Variants in ZNF608 observed in about 807,000 individuals in gnomAD.
ZNF608 encodes the protein renal carcinoma antigen NY-REN-36.
ZNF608 carries 12 observed loss-of-function variants against 109.0 expected under a neutral mutation model. That is an observed-to-expected ratio of 0.11 (90% CI 0.07 to 0.18). The LOEUF is 0.18. Among genes scored for constraint, ZNF608 ranks in the 10% least tolerant of loss-of-function variants. The pLI is 1.00. For missense variants in ZNF608, 1,707 were observed against 1,879.3 expected, an observed-to-expected ratio of 0.91 and a Z score of 1.70; for synonymous variants, 732 against 717.4, an observed-to-expected ratio of 1.02 and a Z score of -0.33.
intron 2 of ZNF608, among the ~76,000 whole-genome samples, chr5:124,714,539 T>A (rs2149871098): frequency 6.6e-6 from 1 of 152,334 alleles, no homozygotes; most frequent in Non-Finnish European, 1.5e-5. Context: ...ATCATTTACT[T>A]ACTAGTATAA....
At chr5:124,746,137 G>GA (rs1319724963) in intron 1 of ZNF608, 58 bp downstream of exon 1, 4 of 984,904 alleles carry the variant, frequency 4.1e-6, no homozygotes, top group Admixed American at 1.2e-4. Context: ...TGATTGTCAA[G>GA]AAAAAAATAA....
Position 124,637,926 on chromosome 5 carries a change from C to CTTA in ZNF608, c.4533-23_4533-21dup. On this transcript the variant is annotated intron_variant, in intron 9 of 9. Coordinates refer to ENST00000513986, the MANE Select transcript of ZNF608 (RefSeq NM_020747.3). ...TATTCTCTGCAAAAGAAAAGCAAAC[C>CTTA]TTAGCACACGGTTCTATCAACATTT... 6.2e-7 allele frequency: 1 copy of CTTA among 1,611,380 alleles called. No homozygotes were observed. Among genetic ancestry groups the CTTA allele is most frequent in the East Asian group, 2.2e-5 (1 of 44,666 alleles).
chr5:124,673,273 C>T (rs568056580), intron 3 of ZNF608, among the ~76,000 whole-genome samples: 1 of 152,164 alleles, frequency 6.6e-6, no homozygotes, highest in Non-Finnish European at 1.5e-5. Flanking sequence ...GATTGGAAAT[C>T]TCTTACAAAT....
chr5:124,712,088 A>T (rs183780248), intron 2 of ZNF608, among the ~76,000 whole-genome samples: 1 of 152,262 alleles, frequency 6.6e-6, no homozygotes, highest in African/African-American at 2.4e-5. Context: ...CAGAGGTTGC[A>T]GTGAGCTGAG....
At chr5:124,645,169 C>A (rs889246378) in intron 5 of ZNF608, among the ~76,000 whole-genome samples, 9 of 152,168 alleles carry the variant, frequency 5.9e-5, no homozygotes, top group African/African-American at 2.2e-4. Flanking sequence ...TCTTGGTTTC[C>A]TAATACATTT....
intron 2 of ZNF608, among the ~76,000 whole-genome samples, chr5:124,733,215 CTCTT>C (rs1376475117): frequency 3.5e-5 from 5 of 143,956 alleles, no homozygotes; most frequent in African/African-American, 1.3e-4. Flanking sequence ...CTATCTCTCT[CTCTT>C]TTTTTTTTTT....
At chr5:124,660,859 C>T (rs981656537) in intron 3 of ZNF608, among the ~76,000 whole-genome samples, 14 of 152,188 alleles carry the variant, frequency 9.2e-5, no homozygotes, top group Non-Finnish European at 1.8e-4. Context: ...TGCCAAAATG[C>T]TATGAATTCC....
At chr5:124,661,430 T>C (rs1751252059) in intron 3 of ZNF608, among the ~76,000 whole-genome samples, 1 of 151,262 alleles carries the variant, frequency 6.6e-6, no homozygotes, top group African/African-American at 2.4e-5. Flanking sequence ...ACTCAGAGGC[T>C]GCCTTCCCAC....
intron 3 of ZNF608, among the ~76,000 whole-genome samples, chr5:124,685,012 T>C (rs1294891803): frequency 6.6e-6 from 1 of 152,236 alleles, no homozygotes; most frequent in Non-Finnish European, 1.5e-5. Context: ...TATACAATCA[T>C]GCCCTTTCAG....
At chr5:124,702,065 T>G (rs1753075123) in intron 2 of ZNF608, among the ~76,000 whole-genome samples, 1 of 152,192 alleles carries the variant, frequency 6.6e-6, no homozygotes, top group African/African-American at 2.4e-5. Flanking sequence ...TGCAATGGCA[T>G]CCCCTTTGCA....
At chr5:124,711,410 A>C (rs1057232031) in intron 2 of ZNF608, among the ~76,000 whole-genome samples, 7 of 152,248 alleles carry the variant, frequency 4.6e-5, no homozygotes, top group Non-Finnish European at 7.3e-5. Context: ...TTTTAATGAA[A>C]AGATGCTAAG....
chr5:124,713,808 A>C (rs1423740053), intron 2 of ZNF608, among the ~76,000 whole-genome samples: 1 of 152,206 alleles, frequency 6.6e-6, no homozygotes, highest in African/African-American at 2.4e-5. Context: ...ATGTTGGAAC[A>C]GGGCAGGAAG....
Position 124,641,374 on chromosome 5 carries a change from C to T in ZNF608, c.4328G>A (p.Arg1443Gln), listed in dbSNP as rs148560544. 20 of 1,613,968 alleles carry T rather than the reference C, an allele frequency of 1.2e-5. No homozygotes were observed. The highest frequency in any genetic ancestry group is 8.3e-5 in the Admixed American group (5 of 60,000). ...GCGATCCCTTTCCCTTTCTGCCTCC[C>T]GTTCCCGCTCAGCTGTAGCCTTTTC... is the stretch of plus-strand genomic sequence containing the variant. ...PVEKATAERE[R>Q]EAERERDRHS... The change falls in exon 8 of 10, where the codon CGG becomes CAG. Residue 1443 changes from arginine to glutamine, a missense_variant. Around this residue, in one of 7 missense-constraint regions of ZNF608, gnomAD observed 1,073 missense variants for 1,133.5 expected, o/e 0.95. Coordinates refer to ENST00000513986, the MANE Select transcript of ZNF608 (RefSeq NM_020747.3).
chr5:124,655,273 C>T (rs906383970), intron 3 of ZNF608, among the ~76,000 whole-genome samples: 3 of 152,192 alleles, frequency 2.0e-5, no homozygotes, highest in African/African-American at 4.8e-5. Flanking sequence ...GCTGTTTCCT[C>T]AAGAACGGGG....
intron 3 of ZNF608, among the ~76,000 whole-genome samples, chr5:124,696,120 G>A (rs1045740173): frequency 2.0e-5 from 3 of 151,712 alleles, no homozygotes; most frequent in African/African-American, 7.3e-5. Flanking sequence ...GGAGGTGGAG[G>A]TTGCAGTGGG....
At chr5:124,657,863 C>T (rs1751082314) in intron 3 of ZNF608, among the ~76,000 whole-genome samples, 1 of 152,090 alleles carries the variant, frequency 6.6e-6, no homozygotes, top group African/African-American at 2.4e-5. Flanking sequence ...AAAAAAAAAT[C>T]ACATGGAGAT....
At chr5:124,666,029 GT>G (rs750217447) in intron 3 of ZNF608, among the ~76,000 whole-genome samples, 33 of 152,338 alleles carry the variant, frequency 2.2e-4, no homozygotes, top group South Asian at 6.2e-4. Context: ...GGGCATGTAC[GT>G]TTGTGCGTAC....
At chr5:124,690,899 A>G (rs780801835) in intron 3 of ZNF608, among the ~76,000 whole-genome samples, 2 of 149,664 alleles carry the variant, frequency 1.3e-5, no homozygotes, top group Non-Finnish European at 3.0e-5. Context: ...TATCCAAAAC[A>G]GGGACTCCTT....
intron 2 of ZNF608, 127 bp downstream of exon 2, chr5:124,743,957 A>G (rs1341756875): frequency 3.7e-6 from 5 of 1,347,550 alleles, no homozygotes; most frequent in African/African-American, 2.9e-5. Flanking sequence ...TAAAGGATGC[A>G]TATCATAGAA....
Sources: gnomAD v4.1 joint callset for allele counts (sites outside exome capture counted in the v4.1 genomes callset) on GRCh38, gnomAD v4.1.1 for gene constraint, gnomAD v4.1.1 regional missense constraint, MANE v1.5 for transcripts, NCBI Gene and HGNC (gene_info 2026-07-23, HGNC 2026-07-21) for gene names.